Variants in EPHA3 observed in about 807,000 individuals in gnomAD.
EPHA3 encodes EPH receptor A3.
EPHA3 carries 42 observed loss-of-function variants against 107.1 expected under a neutral mutation model. The ratio of observed to expected loss-of-function variants is 0.39; its 90% CI spans 0.31 to 0.51. The LOEUF is 0.51. Ranked by LOEUF, EPHA3 falls within the 20% of genes least tolerant of loss-of-function variation. The pLI, the probability that EPHA3 is intolerant of heterozygous loss-of-function variation, is 0.78. For synonymous variants in EPHA3, 461 were observed against 424.8 expected, an observed-to-expected ratio of 1.09 and a Z score of -1.05; for missense variants, 1,183 against 1,211.2, an observed-to-expected ratio of 0.98 and a Z score of 0.35.
intron 3 of EPHA3, among the ~76,000 whole-genome samples, chr3:89,245,977 C>T (rs1485713961): frequency 6.6e-6 from 1 of 152,140 alleles, no homozygotes; most frequent in Non-Finnish European, 1.5e-5. Flanking sequence ...ATTAGATCCA[C>T]AGTTGGGTTT....
chr3:89,109,874 T>C (rs564355633), intron 1 of EPHA3, among the ~76,000 whole-genome samples: 1 of 152,176 alleles, frequency 6.6e-6, no homozygotes, highest in South Asian at 2.1e-4. Context: ...GGGTAGTGTC[T>C]CTTTTCCTTC....
At chr3:89,110,661 C>T (rs1386056079) in intron 1 of EPHA3, among the ~76,000 whole-genome samples, 5 of 151,902 alleles carry the variant, frequency 3.3e-5, no homozygotes, top group Non-Finnish European at 7.4e-5. Flanking sequence ...TAAGAAAAGA[C>T]TTTTAATGGG....
chr3:89,417,809 C>A (rs1709278550), intron 10 of EPHA3, among the ~76,000 whole-genome samples: 1 of 151,414 alleles, frequency 6.6e-6, no homozygotes, highest in African/African-American at 2.4e-5. Flanking sequence ...GTATGCAATA[C>A]AGTTGCTATT....
intron 2 of EPHA3, among the ~76,000 whole-genome samples, chr3:89,155,998 C>T (rs1704797563): frequency 6.6e-6 from 1 of 151,930 alleles, no homozygotes; most frequent in Non-Finnish European, 1.5e-5. Context: ...AAATAACAGT[C>T]TTTATGTGAT....
At chr3:89,319,280 G>A (rs769088620) in intron 3 of EPHA3, among the ~76,000 whole-genome samples, 8 of 151,912 alleles carry the variant, frequency 5.3e-5, no homozygotes, top group Admixed American at 6.6e-5. Flanking sequence ...GCCATGACAT[G>A]TATACTGAGT....
chr3:89,351,308 A>G (rs1244688374), intron 5 of EPHA3, among the ~76,000 whole-genome samples: 2 of 151,326 alleles, frequency 1.3e-5, no homozygotes, highest in African/African-American at 4.8e-5. Context: ...GGTGTGGGAT[A>G]TAGTCTCGTG....
intron 3 of EPHA3, among the ~76,000 whole-genome samples, chr3:89,214,084 G>A (rs1704170176): frequency 6.6e-6 from 1 of 151,914 alleles, no homozygotes; most frequent in Non-Finnish European, 1.5e-5. Flanking sequence ...ATCAATTTAT[G>A]TACATGAGCC....
At chr3:89,151,167 C>T (rs565156952) in intron 2 of EPHA3, among the ~76,000 whole-genome samples, 11 of 151,896 alleles carry the variant, frequency 7.2e-5, no homozygotes, top group African/African-American at 2.7e-4. Context: ...ATTATCATAC[C>T]TAAAATATGT....
intron 5 of EPHA3, among the ~76,000 whole-genome samples, chr3:89,365,107 C>T (rs1483908437): frequency 6.6e-6 from 1 of 150,474 alleles, no homozygotes; most frequent in Non-Finnish European, 1.5e-5. Context: ...GAAAACACAC[C>T]ATAATAAAGA....
At chr3:89,392,898 A>C (rs768187937) in intron 5 of EPHA3, among the ~76,000 whole-genome samples, 4 of 152,174 alleles carry the variant, frequency 2.6e-5, no homozygotes, top group Non-Finnish European at 5.9e-5. Flanking sequence ...ATGAATTAAA[A>C]AGTATTCTAG....
intron 2 of EPHA3, among the ~76,000 whole-genome samples, chr3:89,157,874 A>T (rs75687732): frequency 6.6e-6 from 1 of 151,466 alleles, no homozygotes; most frequent in African/African-American, 2.4e-5. Flanking sequence ...AAAAAAAAAA[A>T]GGGAAAGAAG....
intron 2 of EPHA3, among the ~76,000 whole-genome samples, chr3:89,185,114 A>G (rs1167638338): frequency 6.6e-6 from 1 of 152,068 alleles, no homozygotes; most frequent in Admixed American, 6.6e-5. Context: ...AAGTATGGTA[A>G]AGAACCTAAA....
intron 10 of EPHA3, among the ~76,000 whole-genome samples, chr3:89,416,570 TA>T (rs1187602889): frequency 2.1e-4 from 32 of 151,588 alleles, no homozygotes; most frequent in African/African-American, 7.7e-4. Context: ...TTCAGAGTTG[TA>T]ATAACCATAA....
intron 3 of EPHA3, among the ~76,000 whole-genome samples, chr3:89,293,009 A>G (rs1026985864): frequency 6.6e-6 from 1 of 151,990 alleles, no homozygotes; most frequent in African/African-American, 2.4e-5. Flanking sequence ...ACCCCTTTGT[A>G]TTGTCAGTCT....
chr3:89,292,376 G>A (rs528440565), intron 3 of EPHA3, among the ~76,000 whole-genome samples: 93 of 152,172 alleles, frequency 6.1e-4, no homozygotes, highest in Admixed American at 1.2e-3. Flanking sequence ...GAGAATGTGC[G>A]GAGGTTGTAT....
rs372277437 is a variant in EPHA3 at position 89,108,970 on chromosome 3, ATT to A, written c.88+1135_88+1136del. Among the ~76,000 whole-genome samples, 568 of 152,290 alleles carry A rather than the reference ATT, an allele frequency of 3.7e-3. 1 individual carries two copies. Among genetic ancestry groups the A allele is most frequent in the African/African-American group, 0.013 (553 of 41,584 alleles). On this transcript the variant is annotated intron_variant, in intron 1 of 16. Coordinates refer to ENST00000336596, the MANE Select transcript of EPHA3 (RefSeq NM_005233.6). ...ATATACATCACTCCTTAGAAAATAT[ATT>A]GTCAAGCCAATACTGTTGTATATGT... is the stretch of plus-strand genomic sequence containing the variant.
chr3:89,299,508 T>A (rs1706434848), intron 3 of EPHA3, among the ~76,000 whole-genome samples: 1 of 151,862 alleles, frequency 6.6e-6, no homozygotes, highest in African/African-American at 2.4e-5. Flanking sequence ...CATCATAAAA[T>A]ATAAAAAATA....
At chr3:89,198,047 A>G (rs762981357) in intron 2 of EPHA3, among the ~76,000 whole-genome samples, 24 of 152,220 alleles carry the variant, frequency 1.6e-4, no homozygotes, top group Non-Finnish European at 3.1e-4. Flanking sequence ...AATTATATTT[A>G]GTGAATTTCA....
chr3:89,122,833 A>G (rs756674621), intron 1 of EPHA3, among the ~76,000 whole-genome samples: 28 of 152,188 alleles, frequency 1.8e-4, no homozygotes, highest in Non-Finnish European at 2.8e-4. Flanking sequence ...AAAAAGTCTT[A>G]GTTTGTTCCT....
Sources: gnomAD v4.1 joint callset for allele counts (sites outside exome capture counted in the v4.1 genomes callset) on GRCh38, gnomAD v4.1.1 for gene constraint, MANE v1.5 for transcripts, NCBI Gene and HGNC (gene_info 2026-07-23, HGNC 2026-07-21) for gene names.